The following PALM variants were observed in gnomAD, a reference collection of about 807,000 sequenced individuals.
The protein encoded by PALM is paralemmin-1.
In PALM, 18 loss-of-function variants were observed where a neutral mutation model predicts 30.7. That is an observed-to-expected ratio of 0.59 (90% CI 0.41 to 0.87). The LOEUF (loss-of-function observed/expected upper bound fraction) is 0.87, where lower values mean the gene tolerates loss of function less well. PALM is among the 40% of genes least tolerant of loss of function. The pLI is 0.00. For synonymous variants in PALM, 286 were observed against 242.8 expected (o/e 1.18, Z -1.66); for missense variants, 529 against 555.4 (o/e 0.95, Z 0.48).
chr19:710,128 C>G (rs1444549748), intron 1 of PALM, among the ~76,000 whole-genome samples: 2 of 152,162 alleles, frequency 1.3e-5, no homozygotes, highest in African/African-American at 4.8e-5. Flanking sequence ...CCCACCCCAG[C>G]CCGAGGACCG....
chr19:739,016 T>C (rs1200541290), intron 7 of PALM, among the ~76,000 whole-genome samples: 1 of 152,142 alleles, frequency 6.6e-6, no homozygotes, highest in African/African-American at 2.4e-5. Context: ...GGGCGGGGTC[T>C]CAGGGAGGTG....
Position 736,013 on chromosome 19 carries a change from G to A in PALM, c.443-6G>A, listed in dbSNP as rs746118405. 8.7e-6 allele frequency: 14 copies of A among 1,607,822 alleles called. No homozygotes were observed. Among genetic ancestry groups the A allele is most frequent in the Middle Eastern group, 3.3e-4 (2 of 6,066 alleles). On this transcript the variant is annotated splice_polypyrimidine_tract_variant and splice_region_variant and intron_variant, in intron 6 of 8. Coordinates refer to ENST00000338448, the MANE Select transcript of PALM (RefSeq NM_002579.3). ...ATCTCTCTCTCCGCTTCCACCTCCC[G>A]TGCAGACAAGCGAGTCTCCAACACG...
At chr19:720,404 C>G (rs1365447428) in intron 1 of PALM, among the ~76,000 whole-genome samples, 2 of 110,430 alleles carry the variant, frequency 1.8e-5, no homozygotes, top group Admixed American at 8.9e-5. Flanking sequence ...GGCGCCGGGT[C>G]TGGGGAGGGG....
chr19:734,818 C>T (rs543249163), intron 6 of PALM: 7 of 158,206 alleles, frequency 4.4e-5, no homozygotes, highest in Admixed American at 1.8e-4. Context: ...GGCGACAGAG[C>T]GAGACCCTGT....
Position 742,117 on chromosome 19 carries a change from C to G in PALM, c.634+1634C>G, listed in dbSNP as rs1469585319. Among the ~76,000 whole-genome samples, 1 of 152,098 alleles carries G rather than the reference C, an allele frequency of 6.6e-6. No individual in the cohort carries two copies. The highest frequency in any genetic ancestry group is 1.5e-5 in the Non-Finnish European group (1 of 67,998). ...GGCTGCAATGAGCTATGATGGCACCCCTGCACTCCAGCCTGGGCCACAGAC... is the reference window on the plus strand; with the variant it reads ...GGCTGCAATGAGCTATGATGGCACCGCTGCACTCCAGCCTGGGCCACAGAC... On this transcript the variant is annotated intron_variant, in intron 8 of 8. Transcript: ENST00000338448. The surrounding 1 kb of genome is among the most constrained non-coding windows in gnomAD (Gnocchi z 5.5).
At chr19:722,453 T>C (rs1261788561) in intron 1 of PALM, 1 of 152,256 alleles carries the variant, frequency 6.6e-6, no homozygotes, top group African/African-American at 2.4e-5. Context: ...GGTCTCGAAC[T>C]CCTGGGCTCA....
intron 1 of PALM, among the ~76,000 whole-genome samples, chr19:710,829 C>T (rs975708969): frequency 5.9e-5 from 9 of 152,242 alleles, no homozygotes; most frequent in African/African-American, 1.9e-4. Context: ...TAACCGGCTG[C>T]TGTGAGCCGC....
intron 7 of PALM, among the ~76,000 whole-genome samples, chr19:738,877 A>G (rs1353853931): frequency 6.6e-6 from 1 of 152,168 alleles, no homozygotes; most frequent in Non-Finnish European, 1.5e-5. Flanking sequence ...TGGTGAGGAC[A>G]TGCAGCTATC....
At chr19:719,550 G>T (rs917502614) in intron 1 of PALM, 2 of 985,534 alleles carry the variant, frequency 2.0e-6, no homozygotes, top group African/African-American at 3.5e-5. Context: ...CCCAGCACCT[G>T]CCCCGGGACC....
In PALM at chr19:738,331, C is replaced by T. The variant is rs565422688; in HGVS notation, c.503-2021C>T. Among the ~76,000 whole-genome samples, 22 of 152,160 alleles carry T rather than the reference C, an allele frequency of 1.4e-4. No homozygotes were observed. In the South Asian group the frequency reaches 4.4e-3, roughly 30 times the overall value. On this transcript the variant is annotated intron_variant, in intron 7 of 8. Transcript: ENST00000338448. ...CATGAGGTCAGGAGATCGAGACCAT[C>T]TTGGCTAACACGGTGAAACCCTGTC... is the stretch of plus-strand genomic sequence containing the variant.
intron 8 of PALM, among the ~76,000 whole-genome samples, chr19:741,578 A>G (rs549933462): frequency 1.4e-5 from 2 of 147,906 alleles, no homozygotes; most frequent in South Asian, 2.2e-4. Context: ...GGTGAGGGGG[A>G]ACCAGGTTGG....
intron 1 of PALM, among the ~76,000 whole-genome samples, chr19:724,803 T>A (rs1183454064): frequency 1.3e-5 from 2 of 151,754 alleles, no homozygotes; most frequent in Non-Finnish European, 2.9e-5. Context: ...TTTTTATTTT[T>A]GGTAGAGATG....
At chr19:710,182 C>G (rs565854089) in intron 1 of PALM, among the ~76,000 whole-genome samples, 1 of 152,218 alleles carries the variant, frequency 6.6e-6, no homozygotes, top group African/African-American at 2.4e-5. Context: ...GCCCTTCCCA[C>G]TGGGCGTGTT....
chr19:726,134 G>A lies in PALM; in HGVS notation c.6-4G>A, dbSNP rs369812602. 52 of 1,612,048 alleles carry A rather than the reference G, an allele frequency of 3.2e-5. No individual in the cohort carries two copies. The highest frequency in any genetic ancestry group is 9.3e-5 in the African/African-American group (7 of 74,902). ...CAGAGCTTGACCTTATCTCCCTCCC[G>A]CAGGGTCCTGGCGGCAGAGACCACG... On this transcript the variant is annotated splice_polypyrimidine_tract_variant and splice_region_variant and intron_variant, in intron 1 of 8. Coordinates refer to ENST00000338448, the MANE Select transcript of PALM (RefSeq NM_002579.3).
chr19:723,811 G>A (rs925954507), intron 1 of PALM, among the ~76,000 whole-genome samples: 4 of 152,128 alleles, frequency 2.6e-5, no homozygotes, highest in Non-Finnish European at 4.4e-5. Flanking sequence ...GGCCAGGCTG[G>A]TCTCGAACTT....
At chr19:728,391 C>T (rs370668196) in intron 4 of PALM, among the ~76,000 whole-genome samples, 6 of 152,348 alleles carry the variant, frequency 3.9e-5, no homozygotes, top group African/African-American at 1.4e-4. Context: ...ACCTCGCAGG[C>T]CCTTCCCAGA....
At chr19:728,066 C>G (rs982430892) in intron 4 of PALM, among the ~76,000 whole-genome samples, 1 of 152,104 alleles carries the variant, frequency 6.6e-6, no homozygotes, top group Non-Finnish European at 1.5e-5. Context: ...TGGGTGTTGC[C>G]GGCATTGGCC....
intron 4 of PALM, 110 bp from the exon 5 acceptor site, chr19:730,985 G>A (rs1025703221): frequency 8.5e-6 from 6 of 702,038 alleles, no homozygotes; most frequent in Non-Finnish European, 1.4e-5. Context: ...TGGGCAACAA[G>A]AGCGAGAATC....
rs2144926228 is a variant in PALM at position 742,978 on chromosome 19, C to T, written c.634+2495C>T. Among the ~76,000 whole-genome samples the T allele has an allele frequency of 6.6e-6, 1 of 152,188 alleles. No individual in the cohort carries two copies. The highest frequency in any genetic ancestry group is 6.5e-5 in the Admixed American group (1 of 15,276). On this transcript the variant is annotated intron_variant, in intron 8 of 8. Coordinates refer to ENST00000338448, the MANE Select transcript of PALM (RefSeq NM_002579.3). This position sits in a 1 kb window ranked among gnomAD's most constrained non-coding sequence, Gnocchi z 5.5. Reference sequence around the variant, plus strand: ...GAGCTCCGTGAGGACCTGCTGTTTTCCACGGAGGCTGCACCGTCCCGTTCC... The same window carrying T: ...GAGCTCCGTGAGGACCTGCTGTTTTTCACGGAGGCTGCACCGTCCCGTTCC...
Sources: gnomAD v4.1 joint callset for allele counts (sites outside exome capture counted in the v4.1 genomes callset) on GRCh38, gnomAD v4.1.1 for gene constraint, Gnocchi (gnomAD v3.1) non-coding constraint, MANE v1.5 for transcripts, NCBI Gene and HGNC (gene_info 2026-07-23, HGNC 2026-07-21) for gene names.